SLC44A5: variants seen among roughly 807,000 people sequenced by gnomAD.
SLC44A5 encodes the protein choline transporter-like protein 5.
SLC44A5 carries 57 observed loss-of-function variants against 101.8 expected under a neutral mutation model. The observed-to-expected ratio is 0.56, with a 90% CI of 0.45 to 0.70. The LOEUF (loss-of-function observed/expected upper bound fraction) is 0.70. Among genes scored for constraint, SLC44A5 ranks in the 30% least tolerant of loss-of-function variants. SLC44A5 has a pLI of 0.00. For synonymous variants in SLC44A5, 281 were observed against 290.9 expected (o/e 0.97, Z 0.35); for missense variants, 737 against 853.1 (o/e 0.86, Z 1.70).
the SLC44A5 span, among the ~76,000 whole-genome samples, chr1:75,653,385 T>C: frequency 1.3e-5 from 2 of 151,898 alleles, no homozygotes; most frequent in Admixed American, 6.6e-5. Context: ...GGGAGGCTGA[T>C]GCAGGAGAAT....
chr1:75,249,651 G>A (rs1649398970), intron 7 of SLC44A5, among the ~76,000 whole-genome samples: 1 of 152,176 alleles, frequency 6.6e-6, no homozygotes, highest in Non-Finnish European at 1.5e-5. Context: ...TTTTCTAAAT[G>A]AGAGTTTGTA....
At chr1:75,535,069 T>C (rs1244724543) in intron 2 of SLC44A5, among the ~76,000 whole-genome samples, 1 of 85,164 alleles carries the variant, frequency 1.2e-5, no homozygotes, top group Non-Finnish European at 2.3e-5. Flanking sequence ...TAATTGAAGC[T>C]GCTTTTTTTT....
At position 75,215,756 on chromosome 1, in the gene SLC44A5, T is replaced by G. The variant is rs1377410667; in HGVS notation, c.1726A>C (p.Met576Leu). 1 of 1,564,786 alleles carries G rather than the reference T, an allele frequency of 6.4e-7. No individual in the cohort carries two copies. The highest frequency in any genetic ancestry group is 8.8e-7 in the Non-Finnish European group (1 of 1,136,290). Residue 576 changes from methionine to leucine, a missense_variant and splice_region_variant, in exon 19 of 24, where the codon ATG becomes CTG. Met to Leu is a conservative substitution (Grantham distance 15). Coordinates refer to ENST00000370859, the MANE Select transcript of SLC44A5 (RefSeq NM_001130058.2). ...AAATAATAAAATAATCTACCTACCA[T>G]AATATAGGCATTTCTGTTTAAAAAC... ...IKFLNRNAYI[M>L]IAIYGRNFCR...
intron 2 of SLC44A5, among the ~76,000 whole-genome samples, chr1:75,461,781 C>G (rs539010705): frequency 3.0e-4 from 46 of 152,276 alleles, no homozygotes; most frequent in African/African-American, 8.9e-4. Flanking sequence ...TGGTAGTAAT[C>G]TGCCAGTACT....
intron 12 of SLC44A5, among the ~76,000 whole-genome samples, chr1:75,230,920 G>T (rs1647499159): frequency 6.6e-6 from 1 of 152,084 alleles, no homozygotes. Flanking sequence ...CCAGCTACAT[G>T]TTCTATATCT....
Position 75,504,333 on chromosome 1 carries a change from G to C in SLC44A5, c.13+37102C>G, listed in dbSNP as rs555816187. On this transcript the variant is annotated intron_variant, in intron 2 of 23. Coordinates refer to ENST00000370859, the MANE Select transcript of SLC44A5 (RefSeq NM_001130058.2). Reference sequence around the variant, plus strand: ...GTAGTAATTGGGAAGGGGCATTAAAGGGATTCTGGGGGACCAATAACATAT... The same window carrying C: ...GTAGTAATTGGGAAGGGGCATTAAACGGATTCTGGGGGACCAATAACATAT... 2.0e-5 allele frequency among the ~76,000 whole-genome samples: 3 copies of C among 152,228 alleles called. No homozygotes were observed. In the East Asian group the frequency reaches 5.8e-4, roughly 29 times the overall value.
At chr1:75,691,624 G>T in the SLC44A5 span, among the ~76,000 whole-genome samples, 2 of 152,174 alleles carry the variant, frequency 1.3e-5, no homozygotes, top group Non-Finnish European at 2.9e-5. Context: ...CTAATCCTTG[G>T]TTGGGGCATG....
At chr1:75,661,387 T>TAAAAAAAAAAAAAAAAAAAAAAA in the SLC44A5 span, among the ~76,000 whole-genome samples, 1 of 53,600 alleles carries the variant, frequency 1.9e-5, no homozygotes, top group African/African-American at 8.5e-5. Context: ...CTACTGCAAG[T>TAAAAAAAAAAAAAAAAAAAAAAA]AAAAAAAAAA....
chr1:75,256,406 T>C (rs1650024926), intron 6 of SLC44A5, among the ~76,000 whole-genome samples: 1 of 152,128 alleles, frequency 6.6e-6, no homozygotes, highest in African/African-American at 2.4e-5. Context: ...TGTTAGAAAG[T>C]CACTATGTTG....
the SLC44A5 span, among the ~76,000 whole-genome samples, chr1:75,717,745 A>G: frequency 6.6e-6 from 1 of 152,256 alleles, no homozygotes; most frequent in African/African-American, 2.4e-5. Context: ...TGGAATGAAT[A>G]AAATGGAAAT....
chr1:75,641,550 A>C, the SLC44A5 span: 35 of 1,503,362 alleles, frequency 2.3e-5, no homozygotes, highest in Non-Finnish European at 3.1e-5. Context: ...GGCTTTTGAA[A>C]AACTTCCTCA....
intron 1 of SLC44A5, among the ~76,000 whole-genome samples, chr1:75,598,513 T>A (rs544669870): frequency 6.6e-6 from 1 of 152,284 alleles, no homozygotes; most frequent in East Asian, 1.9e-4. Context: ...AGCAAAGACA[T>A]GGAATCAACC....
At chr1:75,219,154 G>A (rs990921900) in intron 16 of SLC44A5, 103 bp downstream of exon 16, 5 of 814,272 alleles carry the variant, frequency 6.1e-6, no homozygotes, top group South Asian at 4.4e-5. Context: ...CCCCATCAGT[G>A]TATAGGATCT....
intron 19 of SLC44A5, 91 bp downstream of exon 19, chr1:75,215,663 T>C: frequency 1.4e-6 from 1 of 701,748 alleles, no homozygotes; most frequent in Non-Finnish European, 2.5e-6. Context: ...TTCAACTGCA[T>C]GAAGTAAAAG....
the SLC44A5 span, chr1:75,677,667 A>T: frequency 2.5e-6 from 1 of 402,446 alleles, no homozygotes; most frequent in South Asian, 1.7e-5. Context: ...AAACTCTCCA[A>T]TAAAAAAACG....
At chr1:75,402,808 T>C (rs1307162928) in intron 2 of SLC44A5, among the ~76,000 whole-genome samples, 1 of 152,096 alleles carries the variant, frequency 6.6e-6, no homozygotes, top group Non-Finnish European at 1.5e-5. Context: ...GGAGTTTTTT[T>C]CATACCCCAG....
the SLC44A5 span, among the ~76,000 whole-genome samples, chr1:75,686,052 T>A: frequency 2.0e-5 from 3 of 152,050 alleles, no homozygotes; most frequent in East Asian, 5.8e-4. Flanking sequence ...ACAGATCTCA[T>A]GAAAACCCAT....
chr1:75,686,464 G>A, the SLC44A5 span, among the ~76,000 whole-genome samples: 1 of 152,218 alleles, frequency 6.6e-6, no homozygotes, highest in Non-Finnish European at 1.5e-5. Flanking sequence ...AGGTCAATAA[G>A]TACGGAAGCC....
At chr1:75,320,490 A>AAGGCT (rs1656060128) in intron 4 of SLC44A5, among the ~76,000 whole-genome samples, 1 of 152,162 alleles carries the variant, frequency 6.6e-6, no homozygotes, top group Non-Finnish European at 1.5e-5. Flanking sequence ...TGTACTCTAA[A>AAGGCT]AGGCTTAGCA....
Sources: allele counts gnomAD v4.1 joint callset (sites outside exome capture counted in the v4.1 genomes callset), GRCh38; gene constraint gnomAD v4.1.1; transcripts MANE v1.5; gene names NCBI Gene and HGNC (gene_info 2026-07-23, HGNC 2026-07-21).